The following COL4A4 variants were observed in gnomAD, a reference collection of about 807,000 sequenced individuals.
The protein encoded by COL4A4 is collagen type IV alpha 4 chain, also known as collagen alpha-4(IV) chain.
Under a neutral mutation model 192.9 loss-of-function variants are expected in COL4A4, and 105 were observed. The observed-to-expected ratio is 0.54, with a 90% CI of 0.46 to 0.64. The LOEUF (loss-of-function observed/expected upper bound fraction) is 0.64. COL4A4 is among the 30% of genes least tolerant of loss of function. The pLI, the probability that COL4A4 is intolerant of heterozygous loss-of-function variation, is 0.00. For missense variants in COL4A4, 1,967 were observed against 2,169.3 expected (o/e 0.91, Z 1.85); for synonymous variants, 762 against 769.9 (o/e 0.99, Z 0.17).
chr2:227,022,112 C>G lies in COL4A4; in HGVS notation c.4152G>C (p.Ala1384=), dbSNP rs75398993. The G allele has an allele frequency of 3.1e-6, 5 of 1,613,952 alleles. No homozygotes were observed. The highest frequency in any genetic ancestry group is 1.7e-6 in the Non-Finnish European group (2 of 1,179,976). Residue 1384 remains alanine (A), a synonymous_variant, in exon 44 of 48, where the codon GCG becomes GCC. Transcript: ENST00000396625. ...DCPRIPGLPG[A]PGMRGPEGAM... ...CTCCTTCTGGTCCTCTCATGCCTGG[C>G]GCCCCAGGAAGGCCTGGGATTCGGG...
In COL4A4 at chr2:227,041,770, GGAA is replaced by G. The variant is rs1559475710; in HGVS notation, c.3505+375_3505+377del. Among the ~76,000 whole-genome samples the G allele has an allele frequency of 4.4e-3, 461 of 105,938 alleles. 26 individuals carry two copies. The highest frequency in any genetic ancestry group is 7.1e-3 in the African/African-American group (168 of 23,638). The allele number at this position is 105,938 out of a possible 152,430, so 69.5% of individuals were successfully genotyped here. On this transcript the variant is annotated intron_variant, in intron 37 of 47. Transcript: ENST00000396625. ...AGGAAGGAAGGAAGGAAGGAAGGAAGGAAGGAAGGAAGGAAGGGAAAGAAAGAA... is the reference window on the plus strand; with the variant it reads ...AGGAAGGAAGGAAGGAAGGAAGGAAGGGAAGGAAGGAAGGGAAAGAAAGAA...
chr2:227,022,422 T>C, intron 43 of COL4A4: 3 of 711,590 alleles, frequency 4.2e-6, no homozygotes, highest in Non-Finnish European at 8.0e-6. Flanking sequence ...AATGAGTGAA[T>C]GGAGTATCAG....
At chr2:227,016,488 C>G (rs1354093042) in intron 44 of COL4A4, among the ~76,000 whole-genome samples, 1 of 152,172 alleles carries the variant, frequency 6.6e-6, no homozygotes, top group African/African-American at 2.4e-5. Context: ...CACAGGCATT[C>G]ATTTACGTGT....
At chr2:227,064,330 G>A (rs1201513553) in intron 25 of COL4A4, among the ~76,000 whole-genome samples, 2 of 151,994 alleles carry the variant, frequency 1.3e-5, no homozygotes, top group African/African-American at 4.8e-5. Context: ...TCAAAGACAA[G>A]GCTTTTGAAT....
chr2:227,152,273 G>A lies in COL4A4; in HGVS notation c.-101-4689C>T, dbSNP rs527665814. Among the ~76,000 whole-genome samples the A allele has an allele frequency of 1.8e-4, 27 of 152,312 alleles. 1 individual carries two copies. In the East Asian group the frequency reaches 3.9e-3, roughly 22 times the overall value. On this transcript the variant is annotated intron_variant, in intron 1 of 47. Transcript: ENST00000396625. ...GCAGGGCAATTGTGAAAGAGGAAGT[G>A]AAAACTTGGAAGAAACACCCATTTT...
chr2:227,114,566 C>T (rs1210954340), intron 8 of COL4A4, 62 bp downstream of exon 8: 2 of 1,276,282 alleles, frequency 1.6e-6, no homozygotes, highest in Non-Finnish European at 2.3e-6. Context: ...TGAGTATTTC[C>T]TGCATGGGCT....
At chr2:227,114,479 G>C (rs933767265) in intron 8 of COL4A4, 149 bp downstream of exon 8, 7 of 747,228 alleles carry the variant, frequency 9.4e-6, no homozygotes, top group Non-Finnish European at 1.7e-5. Context: ...TCACACAAAA[G>C]CATGATGCCA....
At chr2:226,980,432 G>T in the COL4A4 span, among the ~76,000 whole-genome samples, 4 of 152,282 alleles carry the variant, frequency 2.6e-5, no homozygotes, top group African/African-American at 9.6e-5. Flanking sequence ...GAGATTTGGG[G>T]TGTGGTTCTG....
At chr2:227,062,408 C>T in intron 26 of COL4A4, 122 bp downstream of exon 26, 1 of 712,236 alleles carries the variant, frequency 1.4e-6, no homozygotes. Context: ...TATCCATGGT[C>T]CCTCAAAACT....
chr2:227,118,166 G>A (rs150753554), intron 7 of COL4A4, among the ~76,000 whole-genome samples: 230 of 152,256 alleles, frequency 1.5e-3, no homozygotes, highest in Non-Finnish European at 2.7e-3. Flanking sequence ...CAGTGGTCTC[G>A]TGTGGTCCTA....
intron 25 of COL4A4, among the ~76,000 whole-genome samples, chr2:227,067,188 C>T (rs1273344473): frequency 6.6e-6 from 1 of 151,936 alleles, no homozygotes; most frequent in Admixed American, 6.6e-5. Context: ...ATATATGCAC[C>T]CAATACAGGA....
chr2:226,991,694 A>G, the COL4A4 span, among the ~76,000 whole-genome samples: 2 of 152,212 alleles, frequency 1.3e-5, no homozygotes, highest in African/African-American at 4.8e-5. Context: ...TTCCCATTTT[A>G]TAGATAAGGA....
In COL4A4 at chr2:227,088,635, C is replaced by G. The variant is rs752282743; in HGVS notation, c.1623+18G>C. 1.2e-6 allele frequency: 2 copies of G among 1,613,888 alleles called. No individual in the cohort carries two copies. Among genetic ancestry groups the G allele is most frequent in the East Asian group, 4.5e-5 (2 of 44,882 alleles). On this transcript the variant is annotated intron_variant, in intron 22 of 47. Coordinates refer to ENST00000396625, the MANE Select transcript of COL4A4 (RefSeq NM_000092.5). ...ATGTCTCTTTTAACTGGAAAGATGA[C>G]TGGTAAGAGGTACTCACTGGTAGCC...
intron 25 of COL4A4, among the ~76,000 whole-genome samples, chr2:227,071,088 T>TC (rs1226563365): frequency 6.6e-6 from 1 of 151,914 alleles, no homozygotes; most frequent in Non-Finnish European, 1.5e-5. Context: ...GTGTAAATGC[T>TC]CCACTTCAAA....
intron 1 of COL4A4, among the ~76,000 whole-genome samples, chr2:227,157,612 A>G (rs1214324696): frequency 6.6e-6 from 1 of 152,030 alleles, no homozygotes; most frequent in Non-Finnish European, 1.5e-5. Context: ...TAATTAGAGA[A>G]TCTTCTTATA....
In COL4A4 at chr2:227,109,381, T is replaced by C. The variant is rs2061049258; in HGVS notation, c.595-95A>G. On this transcript the variant is annotated intron_variant, in intron 9 of 47. Coordinates refer to ENST00000396625, the MANE Select transcript of COL4A4 (RefSeq NM_000092.5). ...GTGATCCCATGTGGATAAAAACCTC[T>C]AAAGAAATCACAGCCACCAGCACAT... is the stretch of plus-strand genomic sequence containing the variant. 1.5e-5 allele frequency: 16 copies of C among 1,046,202 alleles called. No homozygotes were observed. The South Asian group carries it at 1.9e-4, about 12-fold the overall frequency. The allele number at this position is 1,046,202 out of a possible 1,614,324, so 64.8% of individuals were successfully genotyped here. A position where few individuals can be genotyped will look rare whatever the true frequency, so the allele number is the denominator to read the frequency against.
At chr2:226,984,925 T>TGGGGTG in the COL4A4 span, among the ~76,000 whole-genome samples, 6 of 15,288 alleles carry the variant, frequency 3.9e-4, no homozygotes, top group South Asian at 0.015. Context: ...TCCTGGGGGT[T>TGGGGTG]GGGGTGGGGG....
chr2:227,092,469 T>TA (rs1360878327), intron 20 of COL4A4, among the ~76,000 whole-genome samples: 2 of 152,106 alleles, frequency 1.3e-5, no homozygotes, highest in African/African-American at 4.8e-5. Flanking sequence ...GGCAACAAAT[T>TA]AAAAAATGCA....
the COL4A4 span, chr2:226,988,301 C>A: frequency 1.3e-6 from 2 of 1,542,724 alleles, no homozygotes; most frequent in Non-Finnish European, 1.7e-6. Flanking sequence ...CTGTCCTTCC[C>A]TTCCACTGTG....
Sources: gnomAD v4.1 joint callset for allele counts (sites outside exome capture counted in the v4.1 genomes callset) on GRCh38, gnomAD v4.1.1 for gene constraint, MANE v1.5 for transcripts, NCBI Gene and HGNC (gene_info 2026-07-23, HGNC 2026-07-21) for gene names.